TG: variants seen among roughly 807,000 people sequenced by gnomAD.
TG encodes the protein thyroid hormones.
In TG, 270 loss-of-function variants were observed where a neutral mutation model predicts 324.7. The ratio of observed to expected loss-of-function variants is 0.83; its 90% CI spans 0.75 to 0.92. TG has a LOEUF of 0.92. Ranked by LOEUF, TG falls within the 40% of genes least tolerant of loss-of-function variation. The pLI, the probability that TG is intolerant of heterozygous loss-of-function variation, is 0.00. For missense variants in TG, 3,591 were observed against 3,456.4 expected, an observed-to-expected ratio of 1.04 and a Z score of -0.98; for synonymous variants, 1,401 against 1,327.0, an observed-to-expected ratio of 1.06 and a Z score of -1.21.
intron 20 of TG, 56 bp from the exon 21 acceptor site, chr8:132,919,320 T>G (rs1230966643): frequency 6.4e-7 from 1 of 1,574,084 alleles, no homozygotes; most frequent in East Asian, 2.3e-5. Context: ...GTTCTGGGAT[T>G]GTAACTGTGA....
intron 41 of TG, chr8:133,058,962 T>C (rs897194775): frequency 4.6e-5 from 22 of 479,786 alleles, no homozygotes; most frequent in African/African-American, 4.2e-4. Flanking sequence ...CTTGGGGGCA[T>C]TGGAGGCCAT....
chr8:133,002,969 C>G (rs1833682751), intron 35 of TG: 16 of 1,019,108 alleles, frequency 1.6e-5, no homozygotes, highest in Non-Finnish European at 1.8e-5. Flanking sequence ...ACCATATCAC[C>G]TTTCTTACAG....
chr8:133,045,099 C>T (rs766604892), intron 41 of TG: 8 of 1,614,020 alleles, frequency 5.0e-6, no homozygotes, highest in African/African-American at 1.3e-5. Context: ...TGTGTCTCAC[C>T]GACAGTGAGT....
At chr8:132,896,130 C>T (rs191572148) in intron 11 of TG, among the ~76,000 whole-genome samples, 6 of 152,364 alleles carry the variant, frequency 3.9e-5, no homozygotes, top group East Asian at 3.9e-4. Flanking sequence ...TGGTGTTTAA[C>T]ACCTATCAGC....
intron 43 of TG, among the ~76,000 whole-genome samples, chr8:133,103,685 A>C (rs1322980362): frequency 6.6e-6 from 1 of 152,216 alleles, no homozygotes; most frequent in East Asian, 1.9e-4. Flanking sequence ...GGCCCTGAGC[A>C]AGCTGTGCTT....
intron 10 of TG, among the ~76,000 whole-genome samples, chr8:132,892,708 G>T (rs1816401325): frequency 6.6e-6 from 1 of 151,054 alleles, no homozygotes; most frequent in South Asian, 2.1e-4. Context: ...TGTGGTGTGT[G>T]TTTATGGGGT....
chr8:132,905,869 G>A (rs1818602379), intron 16 of TG, among the ~76,000 whole-genome samples: 1 of 152,178 alleles, frequency 6.6e-6, no homozygotes, highest in African/African-American at 2.4e-5. Flanking sequence ...ATATTTGAGG[G>A]TCAAAAAGGA....
chr8:132,944,092 C>G (rs1824868032), intron 26 of TG, among the ~76,000 whole-genome samples: 1 of 152,158 alleles, frequency 6.6e-6, no homozygotes, highest in Non-Finnish European at 1.5e-5. Flanking sequence ...AGTTTTTACC[C>G]TAAACCAGCC....
chr8:133,074,837 C>G, intron 41 of TG: 1 of 985,438 alleles, frequency 1.0e-6, no homozygotes, highest in South Asian at 4.7e-5. Context: ...ATCTCTGCCA[C>G]ATACTCCCAA....
At chr8:133,116,847 G>C (rs1487134003) in intron 45 of TG, 131 bp downstream of exon 45, 3 of 774,776 alleles carry the variant, frequency 3.9e-6, no homozygotes, top group Non-Finnish European at 6.7e-6. Context: ...AATAATTGTA[G>C]TAGCCACTTC....
At chr8:133,031,678 G>A (rs1321398320) in intron 41 of TG, among the ~76,000 whole-genome samples, 4 of 152,108 alleles carry the variant, frequency 2.6e-5, no homozygotes, top group African/African-American at 7.2e-5. Context: ...TTGTTTGGGC[G>A]CAACTGATGC....
intron 23 of TG, among the ~76,000 whole-genome samples, chr8:132,929,750 G>A (rs1822419600): frequency 6.6e-6 from 1 of 152,070 alleles, no homozygotes; most frequent in Non-Finnish European, 1.5e-5. Context: ...TATCTTTGGG[G>A]TGCACGAAAA....
intron 26 of TG, among the ~76,000 whole-genome samples, chr8:132,945,594 C>T (rs545456423): frequency 3.9e-5 from 6 of 152,040 alleles, no homozygotes; most frequent in South Asian, 2.1e-4. Context: ...ATTACAGCTT[C>T]GAGGTGGTAT....
intron 12 of TG, 37 bp from the exon 13 acceptor site, chr8:132,898,132 G>A: frequency 6.4e-7 from 1 of 1,560,058 alleles, no homozygotes; most frequent in South Asian, 1.2e-5. Flanking sequence ...AGTCCCTAGT[G>A]CAATTCCTGA....
intron 10 of TG, among the ~76,000 whole-genome samples, chr8:132,890,531 A>G (rs950422359): frequency 1.3e-5 from 2 of 152,182 alleles, no homozygotes; most frequent in Non-Finnish European, 2.9e-5. Context: ...GGGGAATTCA[A>G]TGCAGCCAAA....
intron 16 of TG, 55 bp from the exon 17 acceptor site, chr8:132,906,633 C>T: frequency 2.5e-6 from 4 of 1,599,604 alleles, no homozygotes; most frequent in South Asian, 1.1e-5. Context: ...CAGGCATGCT[C>T]AGTCGTCCCG....
At chr8:132,942,594 G>C (rs1388846356) in intron 26 of TG, among the ~76,000 whole-genome samples, 1 of 152,206 alleles carries the variant, frequency 6.6e-6, no homozygotes, top group Admixed American at 6.5e-5. Context: ...TTTGGGTCTG[G>C]TGGGAGAGGC....
At chr8:132,895,901 C>G (rs887134437) in intron 11 of TG, among the ~76,000 whole-genome samples, 13 of 152,318 alleles carry the variant, frequency 8.5e-5, no homozygotes, top group Non-Finnish European at 1.9e-4. Flanking sequence ...AAGTTCCTCT[C>G]CAAGTAGCCA....
chr8:133,050,626 A>G, intron 41 of TG: 1 of 530,254 alleles, frequency 1.9e-6, no homozygotes, highest in Non-Finnish European at 3.4e-6. Context: ...GGCAGTGGGG[A>G]GCTATGGAAG....
Sources: gnomAD v4.1 joint callset for allele counts (sites outside exome capture counted in the v4.1 genomes callset) on GRCh38, gnomAD v4.1.1 for gene constraint, MANE v1.5 for transcripts, NCBI Gene and HGNC (gene_info 2026-07-23, HGNC 2026-07-21) for gene names.